Variants in USH2A observed in about 807,000 individuals in gnomAD.
USH2A encodes the protein Usher syndrome 2A (autosomal recessive, mild).
A neutral mutation model predicts 538.9 loss-of-function variants in USH2A; 443 were observed. The observed-to-expected ratio is 0.82, with a 90% confidence interval of 0.76 to 0.89. USH2A has a LOEUF of 0.89. Among genes scored for constraint, USH2A ranks in the 40% least tolerant of loss-of-function variants. The pLI, the probability that USH2A is intolerant of heterozygous loss-of-function variation, is 0.00. For missense variants in USH2A, 6,633 were observed against 6,324.8 expected, an observed-to-expected ratio of 1.05 and a Z score of -1.65; for synonymous variants, 2,413 against 2,273.5, an observed-to-expected ratio of 1.06 and a Z score of -1.75.
intron 21 of USH2A, among the ~76,000 whole-genome samples, chr1:216,129,108 A>G (rs2102600816): frequency 6.6e-6 from 1 of 152,156 alleles, no homozygotes; most frequent in East Asian, 1.9e-4. Flanking sequence ...ATGGCTGAAT[A>G]TTTCATCATG....
chr1:215,767,880 A>G (rs1661176260), intron 55 of USH2A, among the ~76,000 whole-genome samples: 1 of 152,170 alleles, frequency 6.6e-6, no homozygotes, highest in South Asian at 2.1e-4. Flanking sequence ...ACTCTTGGGA[A>G]AGTTCAAACA....
intron 32 of USH2A, among the ~76,000 whole-genome samples, chr1:216,031,488 T>C (rs141619143): frequency 1.3e-5 from 2 of 152,304 alleles, no homozygotes; most frequent in East Asian, 1.9e-4. Flanking sequence ...GTTTCTCTCC[T>C]CTCCTCATCC....
At chr1:216,319,325 C>T (rs2037565272) in intron 9 of USH2A, among the ~76,000 whole-genome samples, 1 of 152,224 alleles carries the variant, frequency 6.6e-6, no homozygotes, top group South Asian at 2.1e-4. Context: ...TTTAAACACA[C>T]AATTATGGCT....
In USH2A at chr1:215,943,198, C is replaced by A. The variant is rs564109809; in HGVS notation, c.7121-8403G>T. Among the ~76,000 whole-genome samples the A allele has an allele frequency of 2.6e-5, 4 of 152,116 alleles. No homozygotes were observed. In the South Asian group the frequency reaches 8.3e-4, roughly 32 times the overall value. ...AATAATATATCGAGTATTATACATA[C>A]AGCTAAAGAAAGGATTGTAACATAA... On this transcript the variant is annotated intron_variant, in intron 37 of 71. Transcript: ENST00000307340.
intron 38 of USH2A, among the ~76,000 whole-genome samples, chr1:215,914,692 A>G (rs1665907968): frequency 1.3e-5 from 2 of 152,130 alleles, no homozygotes; most frequent in Non-Finnish European, 2.9e-5. Flanking sequence ...AACATGCAGT[A>G]AGTGCAGTTA....
intron 4 of USH2A, among the ~76,000 whole-genome samples, chr1:216,338,455 A>T (rs1483311969): frequency 1.3e-5 from 2 of 151,592 alleles, no homozygotes; most frequent in African/African-American, 2.4e-5. Flanking sequence ...TTATACAAAA[A>T]TTAATTTCAG....
chr1:215,828,420 G>A (rs1443931444), intron 47 of USH2A, among the ~76,000 whole-genome samples: 8 of 152,118 alleles, frequency 5.3e-5, no homozygotes, highest in Non-Finnish European at 1.2e-4. Flanking sequence ...CAGCTTGGGT[G>A]ACAGAACGAG....
intron 61 of USH2A, among the ~76,000 whole-genome samples, chr1:215,686,652 A>T (rs1658432114): frequency 6.6e-6 from 1 of 152,106 alleles, no homozygotes; most frequent in African/African-American, 2.4e-5. Flanking sequence ...ATGCAATTTG[A>T]AGGAATAATG....
At chr1:215,760,528 G>A (rs1558086312) in intron 56 of USH2A, among the ~76,000 whole-genome samples, 1 of 152,120 alleles carries the variant, frequency 6.6e-6, no homozygotes, top group Non-Finnish European at 1.5e-5. Flanking sequence ...CTCTGAGTGT[G>A]AGACTCAAGA....
At chr1:215,967,399 C>G (rs570814199) in intron 36 of USH2A, among the ~76,000 whole-genome samples, 1 of 152,098 alleles carries the variant, frequency 6.6e-6, no homozygotes, top group South Asian at 2.1e-4. Flanking sequence ...GAACTCCTGA[C>G]CTTGTGATCC....
intron 11 of USH2A, among the ~76,000 whole-genome samples, chr1:216,286,758 T>C (rs2036894553): frequency 6.6e-6 from 1 of 151,258 alleles, no homozygotes; most frequent in South Asian, 2.1e-4. Context: ...TAAAAACCTA[T>C]TTTTCTTTAC....
rs542374625 is a variant in USH2A, at chr1:215,939,464, T to C, written c.7121-4669A>G. 1.1e-3 allele frequency among the ~76,000 whole-genome samples: 161 copies of C among 152,272 alleles called. 2 individuals carry two copies. The South Asian group carries it at 0.033, about 31-fold the overall frequency. On this transcript the variant is annotated intron_variant, in intron 37 of 71. Coordinates refer to ENST00000307340, the MANE Select transcript of USH2A (RefSeq NM_206933.4). ...TTTTACTTATAAAAAAACCTTTTCT[T>C]TAGTCTCAAATATAAAGTCTTAACT...
intron 40 of USH2A, among the ~76,000 whole-genome samples, chr1:215,898,402 G>T (rs927181960): frequency 6.6e-6 from 1 of 152,128 alleles, no homozygotes; most frequent in Admixed American, 6.5e-5. Context: ...AGGTAAGTTT[G>T]CTCAACAAAG....
intron 30 of USH2A, among the ~76,000 whole-genome samples, chr1:216,051,771 T>A (rs1012849832): frequency 9.2e-5 from 14 of 152,218 alleles, no homozygotes; most frequent in African/African-American, 3.4e-4. Context: ...ATCATTAGCA[T>A]GAAGATGTGT....
At chr1:215,859,381 A>T (rs1432344814) in intron 44 of USH2A, among the ~76,000 whole-genome samples, 2 of 152,052 alleles carry the variant, frequency 1.3e-5, no homozygotes, top group Non-Finnish European at 2.9e-5. Context: ...AAAAATACAA[A>T]AAATCAGCCA....
intron 55 of USH2A, among the ~76,000 whole-genome samples, chr1:215,778,859 A>T (rs1661539546): frequency 6.6e-6 from 1 of 152,234 alleles, no homozygotes; most frequent in Non-Finnish European, 1.5e-5. Context: ...TCTTTTCTGT[A>T]AAATGAAGGT....
intron 9 of USH2A, among the ~76,000 whole-genome samples, chr1:216,301,034 G>A (rs1267579340): frequency 3.3e-5 from 5 of 151,734 alleles, no homozygotes; most frequent in Non-Finnish European, 7.4e-5. Flanking sequence ...ACAGGCGGGA[G>A]CCACCATGAC....
intron 10 of USH2A, among the ~76,000 whole-genome samples, chr1:216,291,328 C>T (rs1390522317): frequency 6.6e-6 from 1 of 152,154 alleles, no homozygotes; most frequent in East Asian, 1.9e-4. Context: ...AGCCTTAGTT[C>T]ACCATCCTAA....
chr1:215,965,252 G>T (rs1336421335), intron 37 of USH2A, 65 bp downstream of exon 37: 6 of 1,526,066 alleles, frequency 3.9e-6, no homozygotes, highest in African/African-American at 1.4e-5. Context: ...CCAAAAGAAA[G>T]ATTTTAAATA....
Sources: allele counts gnomAD v4.1 joint callset (sites outside exome capture counted in the v4.1 genomes callset), GRCh38; gene constraint gnomAD v4.1.1; transcripts MANE v1.5; gene names NCBI Gene and HGNC (gene_info 2026-07-23, HGNC 2026-07-21).